The following CTSO variants were observed in gnomAD, a reference collection of about 807,000 sequenced individuals.
The protein encoded by CTSO is cathepsin O.
Under a neutral mutation model 42.4 loss-of-function variants are expected in CTSO, and 40 were observed. The ratio of observed to expected loss-of-function variants is 0.94; its 90% CI spans 0.73 to 1.23. The LOEUF (loss-of-function observed/expected upper bound fraction) is 1.23, where lower values mean the gene tolerates loss of function less well. Ranked by LOEUF, CTSO falls within the 50% of genes most tolerant of loss-of-function variation. CTSO has a pLI of 0.00. For missense variants in CTSO, 441 were observed against 396.0 expected (o/e 1.11, Z -0.96); for synonymous variants, 156 against 146.2 (o/e 1.07, Z -0.48).
At chr4:155,940,413 A>C (rs1743408344) in intron 3 of CTSO, among the ~76,000 whole-genome samples, 1 of 151,722 alleles carries the variant, frequency 6.6e-6, no homozygotes, top group Admixed American at 6.6e-5. Flanking sequence ...AAAAGGAATG[A>C]CAATTGGATA....
intron 1 of CTSO, 81 bp downstream of exon 1, chr4:155,953,632 G>C (rs1041870553): frequency 4.1e-6 from 5 of 1,226,422 alleles, no homozygotes; most frequent in Admixed American, 4.3e-5. Flanking sequence ...GTCAGCTCTC[G>C]GGGGCCCTCT....
intron 1 of CTSO, among the ~76,000 whole-genome samples, chr4:155,944,693 A>T (rs1018433342): frequency 7.9e-5 from 12 of 152,252 alleles, no homozygotes; most frequent in African/African-American, 2.9e-4. Flanking sequence ...CACAGTTCTT[A>T]CGGGCTGCAC....
chr4:155,953,740 G>T lies in CTSO; in HGVS notation c.108C>A (p.Ser36Arg). The T allele has an allele frequency of 7.8e-7, 1 of 1,276,012 alleles. No individual in the cohort carries two copies. Among genetic ancestry groups the T allele is most frequent in the Non-Finnish European group, 9.9e-7 (1 of 1,012,038 alleles). The allele number at this position is 1,276,012 out of a possible 1,614,324, so 79.0% of individuals were successfully genotyped here. A position where few individuals can be genotyped will look rare whatever the true frequency, so the allele number is the denominator to read the frequency against. ...RAPFTPTWPR[S>R]REREAAAFRE... Reference sequence around the variant, plus strand: ...GGAAGGCGGCGGCTTCACGCTCGCGGCTCCGCGGCCAGGTCGGGGTGAAGG... The same window carrying T: ...GGAAGGCGGCGGCTTCACGCTCGCGTCTCCGCGGCCAGGTCGGGGTGAAGG... The change falls in exon 1 of 8, where the codon AGC (serine) becomes AGA (arginine). Residue 36 changes from serine (S) to arginine (R), a missense_variant. Transcript: ENST00000433477.
intron 1 of CTSO, among the ~76,000 whole-genome samples, chr4:155,951,319 T>G (rs1743670117): frequency 6.6e-6 from 1 of 152,060 alleles, no homozygotes; most frequent in Non-Finnish European, 1.5e-5. Context: ...CATCAGTAAA[T>G]ATGAGGGCAT....
intron 1 of CTSO, among the ~76,000 whole-genome samples, chr4:155,951,591 A>G (rs753261084): frequency 1.9e-4 from 29 of 152,228 alleles, no homozygotes; most frequent in Non-Finnish European, 3.1e-4. Flanking sequence ...ATCTAAGGCT[A>G]AGATTAAAAC....
intron 1 of CTSO, among the ~76,000 whole-genome samples, chr4:155,944,164 C>G (rs561987899): frequency 9.3e-4 from 142 of 152,206 alleles, no homozygotes; most frequent in African/African-American, 3.4e-3. Flanking sequence ...CACAATAGAT[C>G]CTTGATAAGT....
intron 5 of CTSO, among the ~76,000 whole-genome samples, chr4:155,933,351 C>T (rs1014370446): frequency 6.6e-5 from 10 of 152,138 alleles, no homozygotes; most frequent in African/African-American, 2.4e-4. Context: ...TGAGGCCTCC[C>T]TAGCCATGTG....
chr4:155,937,581 CCTT>C, intron 4 of CTSO, 98 bp from the exon 5 acceptor site: 1 of 1,094,992 alleles, frequency 9.1e-7, no homozygotes, highest in Non-Finnish European at 1.4e-6. Context: ...ATTTCACACA[CCTT>C]CATCATGTGG....
rs192325477 is a variant in CTSO at position 155,944,505 on chromosome 4, A to G, written c.136-1241T>C. On this transcript the variant is annotated intron_variant, in intron 1 of 7. Transcript: ENST00000433477. ...GGAATTCAGAGGATTCATTCATTCA[A>G]TAAGTACTGCCTGGCCATCTTTGTG... Among the ~76,000 whole-genome samples the G allele has an allele frequency of 4.7e-4, 72 of 152,336 alleles. 1 individual carries two copies. The East Asian group carries it at 5.8e-3, about 12-fold the overall frequency.
rs74673697 is a variant in CTSO, at chr4:155,943,974, G to T, written c.136-710C>A. 8.6e-3 allele frequency among the ~76,000 whole-genome samples: 1,308 copies of T among 152,204 alleles called. 19 individuals are homozygous for T. Among genetic ancestry groups the T allele is most frequent in the African/African-American group, 0.03 (1,247 of 41,538 alleles). ...TTTCGTAATACTAACCAATTACATA[G>T]AATAAATAAAATTTCAGGGGGCTAT... is the stretch of plus-strand genomic sequence containing the variant. On this transcript the variant is annotated intron_variant, in intron 1 of 7. Transcript: ENST00000433477.
intron 5 of CTSO, among the ~76,000 whole-genome samples, chr4:155,934,724 G>A (rs1743300701): frequency 6.6e-6 from 1 of 152,136 alleles, no homozygotes; most frequent in South Asian, 2.1e-4. Context: ...TAACTCCTTT[G>A]TTTTGGCCAA....
intron 7 of CTSO, among the ~76,000 whole-genome samples, chr4:155,927,086 G>T (rs780522295): frequency 6.6e-5 from 10 of 152,144 alleles, no homozygotes; most frequent in Non-Finnish European, 1.5e-4. Flanking sequence ...ATATATTTCT[G>T]TGATGTTGAC....
chr4:155,951,217 G>A (rs892099601), intron 1 of CTSO, among the ~76,000 whole-genome samples: 3 of 152,182 alleles, frequency 2.0e-5, no homozygotes, highest in African/African-American at 7.2e-5. Flanking sequence ...ATTCTAAAGT[G>A]AGTGTATCAA....
intron 1 of CTSO, 79 bp downstream of exon 1, chr4:155,953,634 G>C (rs1011243368): frequency 1.6e-6 from 2 of 1,227,730 alleles, no homozygotes; most frequent in Non-Finnish European, 2.0e-6. Flanking sequence ...CAGCTCTCGG[G>C]GGCCCTCTTC....
chr4:155,941,530 T>C (rs2110925212), intron 3 of CTSO, among the ~76,000 whole-genome samples: 1 of 152,320 alleles, frequency 6.6e-6, no homozygotes, highest in South Asian at 2.1e-4. Context: ...TCAAGGTAAA[T>C]TGCTATATTT....
Position 155,951,107 on chromosome 4 carries a change from T to C in CTSO, c.135+2606A>G, listed in dbSNP as rs186127719. On this transcript the variant is annotated intron_variant, in intron 1 of 7. Transcript: ENST00000433477. ...AAATAAATATTCCTAAATATATAAA[T>C]AATCTTATAATAATATAACCTGTGT... Among the ~76,000 whole-genome samples, 197 of 152,218 alleles carry C rather than the reference T, an allele frequency of 1.3e-3. 1 individual carries two copies. Among genetic ancestry groups the C allele is most frequent in the African/African-American group, 4.6e-3 (192 of 41,544 alleles).
chr4:155,935,080 T>A (rs1374768720), intron 5 of CTSO, among the ~76,000 whole-genome samples: 2 of 152,126 alleles, frequency 1.3e-5, no homozygotes, highest in Non-Finnish European at 2.9e-5. Context: ...GTAATTGAAT[T>A]CATGGGGGCT....
intron 2 of CTSO, 30 bp from the exon 3 acceptor site, chr4:155,942,486 C>T (rs1743458668): frequency 1.6e-6 from 2 of 1,271,562 alleles, no homozygotes; most frequent in Non-Finnish European, 2.1e-6. Flanking sequence ...GAAAATACAA[C>T]CAATATTATA....
In CTSO at chr4:155,947,473, G is replaced by A. The variant is rs150043359; in HGVS notation, c.136-4209C>T. Among the ~76,000 whole-genome samples the A allele has an allele frequency of 5.3e-3, 811 of 152,168 alleles. 7 individuals carry two copies. The highest frequency in any genetic ancestry group is 0.019 in the African/African-American group (783 of 41,526). On this transcript the variant is annotated intron_variant, in intron 1 of 7. Coordinates refer to ENST00000433477, the MANE Select transcript of CTSO (RefSeq NM_001334.3). ...GTATTTCTCATGTCATTAGAAATGA[G>A]GATCAATATTATCTATTGAAAGCAA...
Sources: allele counts gnomAD v4.1 joint callset (sites outside exome capture counted in the v4.1 genomes callset), GRCh38; gene constraint gnomAD v4.1.1; transcripts MANE v1.5; gene names NCBI Gene and HGNC (gene_info 2026-07-23, HGNC 2026-07-21).